Variants in HERC2 observed in about 807,000 individuals in gnomAD.
The protein encoded by HERC2 is E3 ubiquitin-protein ligase HERC2.
HERC2 carries 102 observed loss-of-function variants against 537.7 expected under a neutral mutation model. That is an observed-to-expected ratio of 0.19 (90% CI 0.16 to 0.22). The LOEUF (loss-of-function observed/expected upper bound fraction) is 0.22. Ranked by LOEUF, HERC2 falls within the 10% of genes least tolerant of loss-of-function variation. HERC2 has a pLI of 1.00. For synonymous variants in HERC2, 2,224 were observed against 2,466.2 expected, an observed-to-expected ratio of 0.90 and a Z score of 2.91; for missense variants, 4,236 against 6,198.2, an observed-to-expected ratio of 0.68 and a Z score of 10.63.
chr15:28,123,419 T>C (rs2142099413), intron 85 of HERC2, among the ~76,000 whole-genome samples: 1 of 152,342 alleles, frequency 6.6e-6, no homozygotes, highest in Middle Eastern at 3.4e-3. Context: ...TTCAAGATCA[T>C]CTTGTCAAGC....
At chr15:28,255,068 G>A (rs541298781) in intron 19 of HERC2, among the ~76,000 whole-genome samples, 13 of 152,318 alleles carry the variant, frequency 8.5e-5, no homozygotes, top group Admixed American at 4.6e-4. Flanking sequence ...GGGCGTGGTC[G>A]CTCATGCTTG....
intron 55 of HERC2, among the ~76,000 whole-genome samples, chr15:28,188,945 G>C (rs143748011): frequency 2.5e-4 from 38 of 152,136 alleles, no homozygotes; most frequent in African/African-American, 8.9e-4. Context: ...AAAATTAGCT[G>C]GGTGAGGTGG....
intron 55 of HERC2, chr15:28,190,442 T>C (rs1896753020): frequency 6.4e-6 from 1 of 156,604 alleles, no homozygotes; most frequent in African/African-American, 2.4e-5. Flanking sequence ...ATCTGTAGTA[T>C]GTGGGTACTG....
intron 8 of HERC2, 72 bp downstream of exon 8, chr15:28,272,822 C>T (rs1025288278): frequency 2.0e-6 from 2 of 995,446 alleles, no homozygotes; most frequent in Non-Finnish European, 3.1e-6. Flanking sequence ...TTCAGTGAAA[C>T]ACACACAATG....
At chr15:28,181,731 A>C (rs1895836530) in intron 57 of HERC2, among the ~76,000 whole-genome samples, 1 of 152,234 alleles carries the variant, frequency 6.6e-6, no homozygotes, top group Admixed American at 6.5e-5. Context: ...TCTTTTCAAA[A>C]TATGGTCTTT....
intron 23 of HERC2, among the ~76,000 whole-genome samples, chr15:28,240,647 C>T (rs1299455707): frequency 6.6e-6 from 1 of 151,864 alleles, no homozygotes; most frequent in African/African-American, 2.4e-5. Flanking sequence ...CAGATTAAAC[C>T]CTAAGAAAGA....
In HERC2 at chr15:28,163,831, G is replaced by A. The variant is rs141376862; in HGVS notation, c.10555-546C>T. Among the ~76,000 whole-genome samples the A allele has an allele frequency of 3.9e-3, 600 of 152,074 alleles. 7 individuals carry two copies. The highest frequency in any genetic ancestry group is 0.014 in the African/African-American group (570 of 41,482). On this transcript the variant is annotated intron_variant, in intron 68 of 92. Transcript: ENST00000261609. Reference sequence around the variant, plus strand: ...CATAAAAGTCTTCTCATTACCACTCGTGTACTTCCCATTCCTGCCATGTCA... The same window carrying A: ...CATAAAAGTCTTCTCATTACCACTCATGTACTTCCCATTCCTGCCATGTCA...
intron 25 of HERC2, among the ~76,000 whole-genome samples, chr15:28,237,650 T>C (rs1249469585): frequency 1.3e-5 from 2 of 152,260 alleles, no homozygotes; most frequent in Non-Finnish European, 2.9e-5. Flanking sequence ...TTTTAAGCCC[T>C]GCCCTAATGG....
At chr15:28,162,385 A>ATT (rs202023086) in intron 69 of HERC2, among the ~76,000 whole-genome samples, 5 of 151,292 alleles carry the variant, frequency 3.3e-5, no homozygotes, top group African/African-American at 9.7e-5. Flanking sequence ...ATAAGCAAGC[A>ATT]TTTTTTTTTC....
intron 81 of HERC2, 129 bp from the exon 82 acceptor site, chr15:28,130,723 A>C (rs1287494740): frequency 2.7e-6 from 2 of 752,892 alleles, no homozygotes; most frequent in Non-Finnish European, 4.7e-6. Context: ...TAATTAGTGC[A>C]ACATAAAATC....
intron 35 of HERC2, among the ~76,000 whole-genome samples, chr15:28,224,459 C>T (rs1300350511): frequency 2.0e-5 from 3 of 152,062 alleles, no homozygotes; most frequent in Admixed American, 6.5e-5. Flanking sequence ...TGAGCTCAAG[C>T]GACCCACCCG....
At position 28,265,800 on chromosome 15, in the gene HERC2, A is replaced by C; in HGVS notation, c.1756+17T>G. On this transcript the variant is annotated intron_variant, in intron 13 of 92. Transcript: ENST00000261609. This position sits in a 1 kb window ranked among gnomAD's most constrained non-coding sequence, Gnocchi z 4.0. Reference sequence around the variant, plus strand: ...CACCTCCTGCTGCATGCTCCCACTCATGCAGAGCAGACGTACCATGGCCCA... The same window carrying C: ...CACCTCCTGCTGCATGCTCCCACTCCTGCAGAGCAGACGTACCATGGCCCA... The C allele has an allele frequency of 2.5e-6, 4 of 1,614,124 alleles. 1 individual carries two copies. In the South Asian group the frequency reaches 4.4e-5, roughly 18 times the overall value.
rs1133496 is a variant in HERC2, at chr15:28,144,734, G to A, written c.11079C>T (p.Ser3693=). The change falls in exon 72 of 93, where the codon AGC becomes AGT. Residue 3693 remains serine, a synonymous_variant. Transcript: ENST00000261609. ...PGDELKWKFI[S]DGSVNGWGWR... ...AGCCCCAGCCATTCACAGACCCATC[G>A]CTGATGAACTTCCACTTTAACTCAT... 22,896 of 1,614,104 alleles carry A rather than the reference G, an allele frequency of 0.014. 2,909 individuals carry two copies. The African/African-American group carries it at 0.27, about 19-fold the overall frequency.
chr15:28,294,688 C>T (rs1635166), intron 3 of HERC2, among the ~76,000 whole-genome samples: 97,837 of 151,708 alleles, frequency 0.64, 37,094 homozygotes, highest in Non-Finnish European at 0.86. Flanking sequence ...GCAAGGTCAC[C>T]TCACCCTGTT....
intron 16 of HERC2, among the ~76,000 whole-genome samples, chr15:28,257,823 G>A (rs1411689286): frequency 2.0e-5 from 3 of 151,110 alleles, no homozygotes; most frequent in African/African-American, 7.3e-5. Context: ...TGGGACTACA[G>A]GTGCCCGCCA....
At chr15:28,120,260 A>G (rs370201193) in intron 86 of HERC2, among the ~76,000 whole-genome samples, 4 of 152,244 alleles carry the variant, frequency 2.6e-5, no homozygotes, top group South Asian at 2.1e-4. Flanking sequence ...AGCTCCATCA[A>G]TGTGGTCACA....
intron 86 of HERC2, chr15:28,118,554 C>G (rs1888531330): frequency 6.6e-6 from 1 of 152,182 alleles, no homozygotes; most frequent in African/African-American, 2.4e-5. Context: ...TGCTATAAAA[C>G]TAAATAAAAT....
chr15:28,226,417 T>C (rs1434107698), intron 35 of HERC2, among the ~76,000 whole-genome samples: 1 of 151,520 alleles, frequency 6.6e-6, no homozygotes, highest in African/African-American at 2.4e-5. Context: ...TATCAACATA[T>C]AGAATGTGAT....
chr15:28,121,777 A>G (rs1888918618), intron 85 of HERC2, among the ~76,000 whole-genome samples: 1 of 152,232 alleles, frequency 6.6e-6, no homozygotes, highest in Non-Finnish European at 1.5e-5. Flanking sequence ...CAGGTCTTGA[A>G]GTCAAGGTTT....
Sources: allele counts gnomAD v4.1 joint callset (sites outside exome capture counted in the v4.1 genomes callset), GRCh38; gene constraint gnomAD v4.1.1; non-coding constraint Gnocchi (gnomAD v3.1); transcripts MANE v1.5; gene names NCBI Gene and HGNC (gene_info 2026-07-23, HGNC 2026-07-21).